The following DNAH2 variants were observed in gnomAD, a reference collection of about 807,000 sequenced individuals.
DNAH2 encodes the protein dynein axonemal heavy chain 2.
In DNAH2, 323 loss-of-function variants were observed where a neutral mutation model predicts 523.5. The observed-to-expected ratio is 0.62, with a 90% CI of 0.56 to 0.68. The LOEUF is 0.68. DNAH2 is among the 30% of genes least tolerant of loss of function. The probability of loss-of-function intolerance (pLI) is 0.00; values close to 1 mark genes in which losing one functional copy is unlikely to be tolerated. For missense variants in DNAH2, 4,907 were observed against 5,701.5 expected (o/e 0.86, Z 4.49); for synonymous variants, 2,093 against 2,177.4 (o/e 0.96, Z 1.08).
intron 58 of DNAH2, among the ~76,000 whole-genome samples, chr17:7,802,829 AT>A (rs34264918): frequency 0.014 from 2,010 of 140,728 alleles, 18 homozygotes; most frequent in African/African-American, 0.029. Context: ...ATGCCCAGCT[AT>A]TTTTTTTTTT....
chr17:7,791,989 G>C lies in DNAH2; in HGVS notation c.6973G>C (p.Val2325Leu). ...MTFVFSMIWSVCASVDEEGRK... is the reference protein window; with the variant it reads ...MTFVFSMIWSLCASVDEEGRK... ...ATTTGTGTTCAGCATGATCTGGTCTGTGTGTGCCTCTGTGGATGAGGAGGG... is the reference window on the plus strand; with the variant it reads ...ATTTGTGTTCAGCATGATCTGGTCTCTGTGTGCCTCTGTGGATGAGGAGGG... Residue 2325 changes from valine (V) to leucine (L), a missense_variant, in exon 45 of 86, where the codon GTG becomes CTG. Physicochemically the swap from Val to Leu is conservative, Grantham distance 32. This residue lies in a region of DNAH2 where 2,806 missense variants were observed against 3,190.8 expected (regional missense o/e 0.88). Transcript: ENST00000572933. The C allele has an allele frequency of 1.2e-6, 2 of 1,614,144 alleles. No individual in the cohort carries two copies. The highest frequency in any genetic ancestry group is 8.5e-7 in the Non-Finnish European group (1 of 1,180,032).
intron 8 of DNAH2, among the ~76,000 whole-genome samples, chr17:7,738,378 G>A (rs1389092533): frequency 6.6e-6 from 1 of 152,016 alleles, no homozygotes; most frequent in Non-Finnish European, 1.5e-5. Flanking sequence ...CACCCAGGCT[G>A]GAGTGCAGTG....
chr17:7,739,331 G>A (rs539491055), intron 8 of DNAH2, among the ~76,000 whole-genome samples: 5 of 152,210 alleles, frequency 3.3e-5, no homozygotes, highest in East Asian at 3.9e-4. Flanking sequence ...TCTTGAACCC[G>A]GGAAGCGGAG....
chr17:7,805,429 C>A, intron 61 of DNAH2, 36 bp downstream of exon 61: 1 of 1,613,220 alleles, frequency 6.2e-7, no homozygotes, highest in South Asian at 1.1e-5. Context: ...GACTTCCACT[C>A]ACCCAGTGTT....
At chr17:7,814,253 G>A (rs2077599012) in intron 63 of DNAH2, among the ~76,000 whole-genome samples, 1 of 138,916 alleles carries the variant, frequency 7.2e-6, no homozygotes, top group African/African-American at 2.6e-5. Flanking sequence ...TTTATTAGGT[G>A]TAATAATAGT....
chr17:7,776,218 C>A (rs2076448919), intron 31 of DNAH2, 69 bp downstream of exon 31: 26 of 1,560,220 alleles, frequency 1.7e-5, no homozygotes, highest in Non-Finnish European at 2.2e-5. Context: ...GTAATCCCAG[C>A]ACTTTGGGAG....
intron 2 of DNAH2, among the ~76,000 whole-genome samples, chr17:7,722,456 G>A (rs553974429): frequency 3.3e-5 from 5 of 152,264 alleles, no homozygotes; most frequent in African/African-American, 4.8e-5. Flanking sequence ...CCCGCCAAAA[G>A]AAAGCCACTT....
chr17:7,769,798 C>T (rs1028040430), intron 24 of DNAH2, among the ~76,000 whole-genome samples: 2 of 152,200 alleles, frequency 1.3e-5, no homozygotes, highest in South Asian at 2.1e-4. Context: ...TCCAGTATAA[C>T]GTTTTTGGCA....
intron 12 of DNAH2, among the ~76,000 whole-genome samples, chr17:7,755,924 T>G (rs2075822512): frequency 6.6e-6 from 1 of 151,240 alleles, no homozygotes; most frequent in African/African-American, 2.4e-5. Context: ...CTCAGCCTCC[T>G]GACTGATATC....
chr17:7,790,374 C>T (rs567066614), intron 44 of DNAH2, among the ~76,000 whole-genome samples: 1 of 152,010 alleles, frequency 6.6e-6, no homozygotes, highest in East Asian at 2.0e-4. Context: ...AGGCGTGCGC[C>T]ATCACACCCA....
intron 4 of DNAH2, among the ~76,000 whole-genome samples, chr17:7,728,392 T>A (rs1335824284): frequency 6.6e-6 from 1 of 152,186 alleles, no homozygotes; most frequent in Non-Finnish European, 1.5e-5. Flanking sequence ...AGGATGAGAT[T>A]GATTGGCATG....
At chr17:7,766,502 C>T (rs2076171144) in intron 22 of DNAH2, 21 bp downstream of exon 22, 1 of 1,611,024 alleles carries the variant, frequency 6.2e-7, no homozygotes. Flanking sequence ...GAGCAAGGAC[C>T]CTGTGGTCAC....
intron 72 of DNAH2, among the ~76,000 whole-genome samples, chr17:7,820,978 G>T (rs2077835618): frequency 6.6e-6 from 1 of 152,158 alleles, no homozygotes; most frequent in Non-Finnish European, 1.5e-5. Context: ...GGTGGAGGTT[G>T]CAGTGTGTCG....
At chr17:7,766,186 C>T in intron 21 of DNAH2, 132 bp from the exon 22 acceptor site, 2 of 964,534 alleles carry the variant, frequency 2.1e-6, no homozygotes, top group South Asian at 1.7e-5. Flanking sequence ...AACGCGTTCC[C>T]TCTTACTCTC....
rs563455770 is a variant in DNAH2, at chr17:7,758,208, T to G, written c.2052-287T>G. Reference sequence around the variant, plus strand: ...TACAGGCCACATTTCAAATGCTCCATAGCCAAATGTGATGAGTGGGTGCTA... The same window carrying G: ...TACAGGCCACATTTCAAATGCTCCAGAGCCAAATGTGATGAGTGGGTGCTA... On this transcript the variant is annotated intron_variant, in intron 13 of 85. Coordinates refer to ENST00000572933, the MANE Select transcript of DNAH2 (RefSeq NM_020877.5). Among the ~76,000 whole-genome samples, 3 of 152,284 alleles carry G rather than the reference T, an allele frequency of 2.0e-5. No individual in the cohort carries two copies. The South Asian group carries it at 6.2e-4, about 32-fold the overall frequency.
chr17:7,793,846 C>T (rs1175935289), intron 48 of DNAH2, among the ~76,000 whole-genome samples: 2 of 151,980 alleles, frequency 1.3e-5, no homozygotes, highest in Non-Finnish European at 2.9e-5. Flanking sequence ...CAAAAACTCG[C>T]CTAGTGCTAT....
chr17:7,782,188 G>A (rs568380553), intron 39 of DNAH2, among the ~76,000 whole-genome samples: 6 of 152,290 alleles, frequency 3.9e-5, no homozygotes, highest in Non-Finnish European at 4.4e-5. Context: ...TATAACAGAA[G>A]ATGCAGTGCT....
intron 12 of DNAH2, among the ~76,000 whole-genome samples, chr17:7,751,652 G>A (rs970596846): frequency 8.6e-5 from 13 of 151,982 alleles, no homozygotes; most frequent in African/African-American, 2.9e-4. Flanking sequence ...GTATATTCGT[G>A]TCTATTTTGG....
chr17:7,824,376 A>G, intron 76 of DNAH2, 72 bp downstream of exon 76: 1 of 1,475,774 alleles, frequency 6.8e-7, no homozygotes, highest in Non-Finnish European at 9.0e-7. Flanking sequence ...AACCTCAATT[A>G]CACTACTGTC....
Sources: gnomAD v4.1 joint callset for allele counts (sites outside exome capture counted in the v4.1 genomes callset) on GRCh38, gnomAD v4.1.1 for gene constraint, gnomAD v4.1.1 regional missense constraint, MANE v1.5 for transcripts, NCBI Gene and HGNC (gene_info 2026-07-23, HGNC 2026-07-21) for gene names.